Variants in CLEC1A observed in about 807,000 individuals in gnomAD.
The protein encoded by CLEC1A is C-type lectin-like receptor-1.
Under a neutral mutation model 28.7 loss-of-function variants are expected in CLEC1A, and 34 were observed. The observed-to-expected ratio is 1.18, with a 90% CI of 0.90 to 1.57. The LOEUF (loss-of-function observed/expected upper bound fraction) is 1.57. Among genes scored for constraint, CLEC1A ranks in the 40% most tolerant of loss-of-function variants. The pLI, the probability that CLEC1A is intolerant of heterozygous loss-of-function variation, is 0.00. For missense variants in CLEC1A, 385 were observed against 339.5 expected, an observed-to-expected ratio of 1.13 and a Z score of -1.05; for synonymous variants, 116 against 121.0, an observed-to-expected ratio of 0.96 and a Z score of 0.27.
In CLEC1A at chr12:10,075,518, T is replaced by G; in HGVS notation, c.529A>C (p.Lys177Gln). ...SENSTMLKIN[K>Q]QEDLEFAASQ... The stretch of plus-strand genomic sequence containing the variant: ...CAGAATCTTACCAGGTCTTCTTGTT[T>G]GTTTATCTTCAGCATGGTAGAGTTT... The change falls in exon 4 of 6, where the codon AAA (lysine) becomes CAA (glutamine). Residue 177 changes from lysine (K) to glutamine (Q), a missense_variant. By Grantham distance (53) the Lys-to-Gln change is moderately conservative. Transcript: ENST00000315330. The G allele has an allele frequency of 6.2e-7, 1 of 1,613,854 alleles. No individual in the cohort carries two copies. Among genetic ancestry groups the G allele is most frequent in the Non-Finnish European group, 8.5e-7 (1 of 1,179,876 alleles).
chr12:10,097,929 G>C (rs1156355838), intron 1 of CLEC1A, among the ~76,000 whole-genome samples: 1 of 127,272 alleles, frequency 7.9e-6, no homozygotes, highest in African/African-American at 3.0e-5. Context: ...AAAAAAAAAA[G>C]CCATATTAGT....
In CLEC1A at chr12:10,070,181, C is replaced by T. The variant is rs1293930437; in HGVS notation, c.*1152G>A. The T allele has an allele frequency of 6.6e-6, 1 of 152,166 alleles. No individual in the cohort carries two copies. Among genetic ancestry groups the T allele is most frequent in the East Asian group, 1.9e-4 (1 of 5,186 alleles). The allele number at this position is 152,166 out of a possible 1,614,324, so 9.4% of individuals were successfully genotyped here. A position where few individuals can be genotyped will look rare whatever the true frequency, so the allele number is the denominator to read the frequency against. On this transcript the variant is annotated 3_prime_UTR_variant, in exon 6 of 6. Transcript: ENST00000315330. Reference sequence around the variant, plus strand: ...CACTGTCTCTGTTCATTTCCCATGACCTGACTGGAAATCATGTGCACTAAT... The same window carrying T: ...CACTGTCTCTGTTCATTTCCCATGATCTGACTGGAAATCATGTGCACTAAT...
chr12:10,081,406 C>G lies in CLEC1A; in HGVS notation c.222G>C (p.Gln74His). The change falls in exon 3 of 6, where the codon CAG becomes CAC. Residue 74 changes from glutamine (Q) to histidine (H), a missense_variant. Physicochemically the swap from Gln to His is conservative, Grantham distance 24 (BLOSUM62 0). Transcript: ENST00000315330. ...GLAALGLLFF[Q>H]YYQLSNTGQD... ...GACCAGTATTGGAGAGCTGGTAGTA[C>G]TGAAAAACTAACCCAAATGACCAAG... The G allele has an allele frequency of 6.3e-7, 1 of 1,591,790 alleles. No individual in the cohort carries two copies.
At chr12:10,085,887 C>G (rs1017244230) in intron 2 of CLEC1A, among the ~76,000 whole-genome samples, 3 of 152,138 alleles carry the variant, frequency 2.0e-5, no homozygotes, top group African/African-American at 7.2e-5. Flanking sequence ...AGTATGCATT[C>G]TTTTTATGAG....
Position 10,098,874 on chromosome 12 carries a change from C to T in CLEC1A, c.49G>A (p.Asp17Asn), listed in dbSNP as rs553428572. ...STRDMLDDDG[D>N]TTMSLHSQGS... ...TGAGAATGCAGGCTCATGGTGGTGT[C>T]CCCATCATCATCCAGCATGTCCCTC... Residue 17 changes from aspartate to asparagine, a missense_variant, in exon 1 of 6, where the codon GAC becomes AAC. Coordinates refer to ENST00000315330, the MANE Select transcript of CLEC1A (RefSeq NM_016511.4). 1.2e-5 allele frequency: 19 copies of T among 1,613,572 alleles called. No homozygotes were observed. In the South Asian group the frequency reaches 2.0e-4, roughly 17 times the overall value.
chr12:10,071,625 T>A (rs949995266), intron 5 of CLEC1A, 112 bp from the exon 6 acceptor site: 15 of 884,962 alleles, frequency 1.7e-5, no homozygotes, highest in Non-Finnish European at 2.2e-5. Context: ...CAGAATAAGT[T>A]TACCGGGAAA....
In CLEC1A at chr12:10,071,208, G is replaced by C. The variant is rs945867235; in HGVS notation, c.*125C>G. 11 of 845,522 alleles carry C rather than the reference G, an allele frequency of 1.3e-5. No homozygotes were observed. The highest frequency in any genetic ancestry group is 1.8e-5 in the Non-Finnish European group (10 of 556,396). The allele number at this position is 845,522 out of a possible 1,614,324, so 52.4% of individuals were successfully genotyped here. ...TGGTGATCCTGAACAGGAAACACGA[G>C]AACCCATTTTGTACTAGTCAGAGAG... On this transcript the variant is annotated 3_prime_UTR_variant, in exon 6 of 6. Transcript: ENST00000315330.
At chr12:10,074,444 T>C (rs1166056745) in intron 4 of CLEC1A, among the ~76,000 whole-genome samples, 1 of 152,058 alleles carries the variant, frequency 6.6e-6, no homozygotes, top group African/African-American at 2.4e-5. Context: ...GCAAATCATA[T>C]GAAAAAGATT....
intron 5 of CLEC1A, 86 bp downstream of exon 5, chr12:10,073,207 C>T (rs781570009): frequency 6.6e-5 from 63 of 960,586 alleles, no homozygotes; most frequent in Non-Finnish European, 1.0e-4. Context: ...TTGATTAATA[C>T]TTGATGGACC....
At chr12:10,097,420 A>G (rs1394967512) in intron 1 of CLEC1A, among the ~76,000 whole-genome samples, 5 of 152,210 alleles carry the variant, frequency 3.3e-5, no homozygotes, top group African/African-American at 1.2e-4. Context: ...CTATGATGGT[A>G]TTCCCCTAAA....
chr12:10,082,788 A>T (rs570292083), intron 2 of CLEC1A, among the ~76,000 whole-genome samples: 2 of 152,302 alleles, frequency 1.3e-5, no homozygotes, highest in South Asian at 4.1e-4. Context: ...ACCCTGCTCC[A>T]AGGAGGGAGA....
Position 10,073,416 on chromosome 12 carries a change from G to C in CLEC1A, c.544-5C>G. 1 of 1,604,924 alleles carries C rather than the reference G, an allele frequency of 6.2e-7. No individual in the cohort carries two copies. On this transcript the variant is annotated splice_polypyrimidine_tract_variant and splice_region_variant and intron_variant, in intron 4 of 5. Transcript: ENST00000315330. ...GCTCTGAGACGCGGCAAATTCCTGTGAAAAGCACATAAGAAAAGCTTTAGC... is the reference window on the plus strand; with the variant it reads ...GCTCTGAGACGCGGCAAATTCCTGTCAAAAGCACATAAGAAAAGCTTTAGC...
intron 2 of CLEC1A, among the ~76,000 whole-genome samples, chr12:10,088,629 T>A (rs1866550726): frequency 6.6e-6 from 1 of 152,142 alleles, no homozygotes; most frequent in Non-Finnish European, 1.5e-5. Flanking sequence ...TTTTTCCAAT[T>A]TGATTTTCAC....
chr12:10,097,217 A>G (rs1184810151), intron 1 of CLEC1A, among the ~76,000 whole-genome samples: 4 of 152,240 alleles, frequency 2.6e-5, no homozygotes, highest in Admixed American at 2.6e-4. Context: ...ACAAAAGTCT[A>G]GAAATTAAAT....
intron 1 of CLEC1A, among the ~76,000 whole-genome samples, chr12:10,095,709 ATT>A (rs1437170594): frequency 6.6e-6 from 1 of 152,050 alleles, no homozygotes; most frequent in Non-Finnish European, 1.5e-5. Flanking sequence ...TCTCTGCAGT[ATT>A]TGTTATTTGT....
intron 1 of CLEC1A, among the ~76,000 whole-genome samples, chr12:10,093,978 A>C (rs558150172): frequency 4.9e-4 from 74 of 152,214 alleles, no homozygotes; most frequent in African/African-American, 1.7e-3. Context: ...TGCTATTTTC[A>C]TACTCTCTAA....
At position 10,081,257 on chromosome 12, in the gene CLEC1A, T is replaced by C; in HGVS notation, c.371A>G (p.Glu124Gly). ...CTTACCTCCAGCTTTGTTATACAGC[T>C]CACGACAGAGTTTTTCAGCCACATG... The part of the protein sequence containing the change: ...LQHVAEKLCR[E>G]LYNKAGAHRC... Residue 124 changes from glutamate (E) to glycine (G), a missense_variant, in exon 3 of 6, where the codon GAG (glutamate) becomes GGG (glycine). Physicochemically the swap from Glu to Gly is moderately conservative, Grantham distance 98. Coordinates refer to ENST00000315330, the MANE Select transcript of CLEC1A (RefSeq NM_016511.4). 6.2e-7 allele frequency: 1 copy of C among 1,607,344 alleles called. No individual in the cohort carries two copies. Among genetic ancestry groups the C allele is most frequent in the Non-Finnish European group, 8.5e-7 (1 of 1,176,462 alleles).
chr12:10,078,189 T>C (rs61918619), intron 3 of CLEC1A, among the ~76,000 whole-genome samples: 17 of 152,298 alleles, frequency 1.1e-4, no homozygotes, highest in Non-Finnish European at 2.2e-4. Context: ...CTTTAAAAAC[T>C]TATGCCAGAT....
rs745672693 is a variant in CLEC1A, at chr12:10,089,113, C to A, written c.214+11G>T. On this transcript the variant is annotated intron_variant, in intron 2 of 5. Transcript: ENST00000315330. Reference sequence around the variant, plus strand: ...ACCAGGATCCTCCCCCAGGTCAGAGCGCAGACTTACACAAAAGCCCCAGGG... The same window carrying A: ...ACCAGGATCCTCCCCCAGGTCAGAGAGCAGACTTACACAAAAGCCCCAGGG... 2.5e-6 allele frequency: 4 copies of A among 1,604,874 alleles called. No homozygotes were observed. Among genetic ancestry groups the A allele is most frequent in the Non-Finnish European group, 3.4e-6 (4 of 1,171,686 alleles).
Sources: gnomAD v4.1 joint callset for allele counts (sites outside exome capture counted in the v4.1 genomes callset) on GRCh38, gnomAD v4.1.1 for gene constraint, MANE v1.5 for transcripts, NCBI Gene and HGNC (gene_info 2026-07-23, HGNC 2026-07-21) for gene names.